The following WHRN variants were observed in gnomAD, a reference collection of about 807,000 sequenced individuals.
WHRN encodes CASK-interacting protein CIP98.
WHRN carries 41 observed loss-of-function variants against 68.3 expected under a neutral mutation model. That is an observed-to-expected ratio of 0.60 (90% CI 0.47 to 0.78). The LOEUF is 0.78. WHRN is among the 30% of genes least tolerant of loss of function. The pLI is 0.00. For missense variants in WHRN, 1,243 were observed against 1,244.7 expected, an observed-to-expected ratio of 1.00 and a Z score of 0.02; for synonymous variants, 560 against 561.3, an observed-to-expected ratio of 1.00 and a Z score of 0.03.
rs118132480 is a variant in WHRN at position 114,435,710 on chromosome 9, T to C, written c.964-9297A>G. On this transcript the variant is annotated intron_variant, in intron 3 of 11. Coordinates refer to ENST00000362057, the MANE Select transcript of WHRN (RefSeq NM_015404.4). Reference sequence around the variant, plus strand: ...AAGCTGCTCTGTAGACCTGCAAGAATCAAGTTCTCAAGCTCAAGTCCACAG... The same window carrying C: ...AAGCTGCTCTGTAGACCTGCAAGAACCAAGTTCTCAAGCTCAAGTCCACAG... 2.7e-3 allele frequency among the ~76,000 whole-genome samples: 407 copies of C among 152,148 alleles called. 6 individuals carry two copies. Among genetic ancestry groups the C allele is most frequent in the Admixed American group, 0.011 (173 of 15,274 alleles).
Position 114,471,475 on chromosome 9 carries a change from G to A in WHRN, c.838-5083C>T, listed in dbSNP as rs764165413. On this transcript the variant is annotated intron_variant, in intron 2 of 11. Coordinates refer to ENST00000362057, the MANE Select transcript of WHRN (RefSeq NM_015404.4). ...CCAATGCACCACACTGCCTCTCACC[G>A]GCCTGAGTTCAAGTCTTGGTTCTGC... Among the ~76,000 whole-genome samples the A allele has an allele frequency of 3.3e-5, 5 of 152,290 alleles. No homozygotes were observed. In the South Asian group the frequency reaches 8.3e-4, roughly 25 times the overall value.
intron 1 of WHRN, among the ~76,000 whole-genome samples, chr9:114,483,773 T>C (rs1181555318): frequency 3.9e-5 from 6 of 152,250 alleles, no homozygotes; most frequent in African/African-American, 1.2e-4. Context: ...AATGAGCAGG[T>C]TGGACCTGTT....
At chr9:114,430,877 T>C (rs1413060641) in intron 3 of WHRN, among the ~76,000 whole-genome samples, 2 of 152,188 alleles carry the variant, frequency 1.3e-5, no homozygotes, top group African/African-American at 4.8e-5. Context: ...AAGTGCTAGG[T>C]AGGACTGGCT....
intron 7 of WHRN, among the ~76,000 whole-genome samples, chr9:114,409,315 G>C (rs1019601570): frequency 1.3e-5 from 2 of 152,190 alleles, no homozygotes; most frequent in Non-Finnish European, 2.9e-5. Flanking sequence ...AAGCAACAGG[G>C]AGACTGCAGA....
chr9:114,449,031 C>A (rs1180323793), intron 3 of WHRN, among the ~76,000 whole-genome samples: 2 of 152,138 alleles, frequency 1.3e-5, no homozygotes, highest in Non-Finnish European at 2.9e-5. Context: ...CAAAGCACTG[C>A]CCCATATAGT....
chr9:114,426,251 C>T lies in WHRN; in HGVS notation c.1126G>A (p.Ala376Thr), dbSNP rs545251395. ...RTTVDETKWI[A>T]SSRIRETMAN... ...ATGGTCTCCCTGATCCGGGAACTGG[C>T]GATCCACTTGGTCTCGTCCACAGTG... The change falls in exon 4 of 12, where the codon GCC becomes ACC. Residue 376 changes from alanine (A) to threonine (T), a missense_variant. Transcript: ENST00000362057. 1.5e-5 allele frequency: 24 copies of T among 1,612,680 alleles called. No individual in the cohort carries two copies. The highest frequency in any genetic ancestry group is 4.5e-5 in the East Asian group (2 of 44,878).
intron 3 of WHRN, among the ~76,000 whole-genome samples, chr9:114,437,083 G>C (rs565319034): frequency 9.2e-5 from 14 of 152,264 alleles, no homozygotes; most frequent in African/African-American, 3.4e-4. Flanking sequence ...TGAGTAGACA[G>C]ACAGGCGGTG....
intron 1 of WHRN, among the ~76,000 whole-genome samples, chr9:114,488,817 C>T (rs774332418): frequency 7.8e-4 from 119 of 152,312 alleles, no homozygotes; most frequent in Non-Finnish European, 1.5e-3. Context: ...TGTTAATTAC[C>T]TCTTACAGGG....
chr9:114,502,274 TCA>T (rs891044950), intron 1 of WHRN, among the ~76,000 whole-genome samples: 2 of 152,130 alleles, frequency 1.3e-5, no homozygotes, highest in African/African-American at 4.8e-5. Context: ...GCTGCTCAGC[TCA>T]CACAGGCTCC....
At chr9:114,433,918 C>T (rs111525813) in intron 3 of WHRN, among the ~76,000 whole-genome samples, 1,857 of 152,268 alleles carry the variant, frequency 0.012, 16 homozygotes, top group Middle Eastern at 0.027. Context: ...TTGGCAGATC[C>T]GTTGTTAGTA....
intron 4 of WHRN, chr9:114,425,630 C>CACAG (rs752151116): frequency 7.4e-4 from 173 of 232,552 alleles, no homozygotes; most frequent in Non-Finnish European, 1.0e-3. Flanking sequence ...CACACACACA[C>CACAG]AGAGAGACAC....
At chr9:114,494,273 G>A (rs574184836) in intron 1 of WHRN, among the ~76,000 whole-genome samples, 3 of 152,202 alleles carry the variant, frequency 2.0e-5, no homozygotes, top group African/African-American at 2.4e-5. Context: ...AGCAGCATCT[G>A]GTAGGAAAAC....
chr9:114,457,241 G>A (rs1019993360), intron 3 of WHRN, among the ~76,000 whole-genome samples: 1 of 152,166 alleles, frequency 6.6e-6, no homozygotes, highest in Admixed American at 6.5e-5. Flanking sequence ...CTTTGTAGGG[G>A]TGGTGGATTC....
chr9:114,438,445 C>CT (rs1158051217), intron 3 of WHRN, among the ~76,000 whole-genome samples: 1 of 147,682 alleles, frequency 6.8e-6, no homozygotes, highest in Non-Finnish European at 1.5e-5. Context: ...ATCCCACTTT[C>CT]TTTTTTTTCT....
chr9:114,405,847 C>T (rs1834987090), intron 9 of WHRN, among the ~76,000 whole-genome samples: 1 of 152,256 alleles, frequency 6.6e-6, no homozygotes, highest in Non-Finnish European at 1.5e-5. Flanking sequence ...CTTCCCTCTA[C>T]CCCACAGCCC....
chr9:114,424,321 G>C lies in WHRN; in HGVS notation c.1416+13C>G, dbSNP rs1335888776. The C allele has an allele frequency of 6.2e-6, 10 of 1,612,090 alleles. No homozygotes were observed. Among genetic ancestry groups the C allele is most frequent in the Non-Finnish European group, 7.6e-6 (9 of 1,179,978 alleles). ...AAATGCTGAAGCCAGTTGGGAGGCA[G>C]GGCACGGGTCACCTTGGCGTGGGTG... On this transcript the variant is annotated intron_variant, in intron 6 of 11. Transcript: ENST00000362057.
At chr9:114,451,933 T>C (rs1411118636) in intron 3 of WHRN, among the ~76,000 whole-genome samples, 1 of 152,198 alleles carries the variant, frequency 6.6e-6, no homozygotes, top group Non-Finnish European at 1.5e-5. Context: ...CTTGCAGGGA[T>C]GCTGGGAGCA....
rs1834745814 is a variant in WHRN, at chr9:114,402,326, T to C, written c.*428A>G. 4.0e-6 allele frequency: 1 copy of C among 248,574 alleles called. No individual in the cohort carries two copies. Among genetic ancestry groups the C allele is most frequent in the South Asian group, 5.0e-5 (1 of 19,924 alleles). 15.4% of individuals were successfully genotyped at this position (248,574 alleles called of 1,614,324 possible). On this transcript the variant is annotated 3_prime_UTR_variant, in exon 12 of 12. Coordinates refer to ENST00000362057, the MANE Select transcript of WHRN (RefSeq NM_015404.4). ...ATGCTTATTTGTGGCACTAAAGGTC[T>C]TGCAAGATGCCCCCTGACTGGGGGC...
At chr9:114,498,534 T>C (rs1843652868) in intron 1 of WHRN, among the ~76,000 whole-genome samples, 1 of 152,134 alleles carries the variant, frequency 6.6e-6, no homozygotes, top group South Asian at 2.1e-4. Flanking sequence ...TCAGAGAATG[T>C]ATGGATGCAT....
Sources: allele counts gnomAD v4.1 joint callset (sites outside exome capture counted in the v4.1 genomes callset), GRCh38; gene constraint gnomAD v4.1.1; transcripts MANE v1.5; gene names NCBI Gene and HGNC (gene_info 2026-07-23, HGNC 2026-07-21).